The following IFT56 variants were observed in gnomAD, a reference collection of about 807,000 sequenced individuals.
IFT56 encodes intraflagellar transport protein 56.
At chr7:139,180,423 A>G in the IFT56 span, among the ~76,000 whole-genome samples, 3 of 151,762 alleles carry the variant, frequency 2.0e-5, no homozygotes, top group African/African-American at 7.3e-5. Flanking sequence ...AAGATTTAAA[A>G]TGTTGGCCAG....
chr7:139,168,346 G>A, the IFT56 span: 1 of 1,600,504 alleles, frequency 6.2e-7, no homozygotes, highest in African/African-American at 1.3e-5. Flanking sequence ...GTTTCTAGGA[G>A]TATATTCTCA....
the IFT56 span, chr7:139,179,683 T>C: frequency 2.0e-6 from 3 of 1,511,712 alleles, no homozygotes; most frequent in Non-Finnish European, 2.7e-6. Flanking sequence ...AAGAATCCTC[T>C]TTTTCTTTTT....
chr7:139,174,842 G>C, the IFT56 span, among the ~76,000 whole-genome samples: 1 of 152,050 alleles, frequency 6.6e-6, no homozygotes, highest in South Asian at 2.1e-4. Flanking sequence ...CCAACATGGT[G>C]AAACTCCATC....
chr7:139,146,623 C>T, the IFT56 span, among the ~76,000 whole-genome samples: 1 of 151,738 alleles, frequency 6.6e-6, no homozygotes, highest in Non-Finnish European at 1.5e-5. Context: ...AAAAATTAGC[C>T]GGGCGTGGTG....
chr7:139,182,822 T>G, the IFT56 span, among the ~76,000 whole-genome samples: 3 of 152,136 alleles, frequency 2.0e-5, no homozygotes, highest in Non-Finnish European at 4.4e-5. Context: ...TTTTCATTAC[T>G]TTTTCTTGCT....
chr7:139,182,480 G>A, the IFT56 span, among the ~76,000 whole-genome samples: 1 of 152,200 alleles, frequency 6.6e-6, no homozygotes, highest in Non-Finnish European at 1.5e-5. Flanking sequence ...AGTTTTAGAT[G>A]TATTAAATCT....
the IFT56 span, among the ~76,000 whole-genome samples, chr7:139,183,998 C>CT: frequency 1.3e-5 from 2 of 152,180 alleles, no homozygotes; most frequent in Non-Finnish European, 2.9e-5. Context: ...CTGCTGACAG[C>CT]TTTTAAGCCT....
the IFT56 span, among the ~76,000 whole-genome samples, chr7:139,149,033 C>T: frequency 3.3e-5 from 5 of 152,092 alleles, no homozygotes; most frequent in East Asian, 5.8e-4. Flanking sequence ...GGGCCAGGCA[C>T]GGTGGCTCAC....
chr7:139,165,273 AT>A, the IFT56 span: 2 of 1,395,290 alleles, frequency 1.4e-6, no homozygotes, highest in Non-Finnish European at 2.0e-6. Context: ...ACAATGAGAT[AT>A]TTTAGAATAG....
chr7:139,178,841 G>A, the IFT56 span, among the ~76,000 whole-genome samples: 2 of 151,842 alleles, frequency 1.3e-5, no homozygotes, highest in African/African-American at 4.8e-5. Context: ...CACTATGATC[G>A]TGCCTGTGAA....
chr7:139,164,013 G>A, the IFT56 span, among the ~76,000 whole-genome samples: 1 of 152,104 alleles, frequency 6.6e-6, no homozygotes, highest in East Asian at 1.9e-4. Flanking sequence ...GTCCTTTCAT[G>A]GATTTGTTTG....
At chr7:139,136,345 A>G in the IFT56 span, among the ~76,000 whole-genome samples, 1 of 152,212 alleles carries the variant, frequency 6.6e-6, no homozygotes, top group South Asian at 2.1e-4. Flanking sequence ...TCTGTGAATC[A>G]GTGGACTGAG....
chr7:139,144,376 G>T, the IFT56 span, among the ~76,000 whole-genome samples: 2 of 151,946 alleles, frequency 1.3e-5, no homozygotes, highest in African/African-American at 4.8e-5. Flanking sequence ...CTCCTATGAA[G>T]ATTTTTTTTC....
the IFT56 span, among the ~76,000 whole-genome samples, chr7:139,186,732 A>C: frequency 1.3e-5 from 2 of 152,168 alleles, no homozygotes; most frequent in African/African-American, 4.8e-5. Context: ...AGACTTGAAA[A>C]ATACTCAGTT....
chr7:139,178,363 G>T, the IFT56 span: 4 of 1,503,404 alleles, frequency 2.7e-6, no homozygotes, highest in East Asian at 9.2e-5. Context: ...TGTCAGAGAA[G>T]ATAAGATACC....
At chr7:139,134,316 G>A in the IFT56 span, among the ~76,000 whole-genome samples, 1 of 151,356 alleles carries the variant, frequency 6.6e-6, no homozygotes, top group Non-Finnish European at 1.5e-5. Context: ...TTGTCGCCCA[G>A]GTTGGAGTGC....
the IFT56 span, chr7:139,191,052 G>A: frequency 1.3e-5 from 2 of 152,192 alleles, no homozygotes; most frequent in African/African-American, 2.4e-5. Context: ...GCCAAGAAGA[G>A]ATCGATGACT....
chr7:139,185,774 T>TTA, the IFT56 span, among the ~76,000 whole-genome samples: 1 of 151,976 alleles, frequency 6.6e-6, no homozygotes, highest in East Asian at 1.9e-4. Flanking sequence ...TGTACATGGA[T>TTA]GTTTCATTTA....
At chr7:139,166,914 T>C in the IFT56 span, 4 of 1,519,192 alleles carry the variant, frequency 2.6e-6, no homozygotes, top group Non-Finnish European at 1.8e-6. Flanking sequence ...GAATGTTTTA[T>C]ATTTTTACTA....
Sources: gnomAD v4.1 joint callset for allele counts (sites outside exome capture counted in the v4.1 genomes callset) on GRCh38, gnomAD v4.1.1 for gene constraint, MANE v1.5 for transcripts, NCBI Gene and HGNC (gene_info 2026-07-23, HGNC 2026-07-21) for gene names.